The following SPINK1 variants were observed in gnomAD, a reference collection of about 807,000 sequenced individuals.
SPINK1 encodes the protein serine protease inhibitor Kazal-type 1.
In SPINK1, 5 loss-of-function variants were observed where a neutral mutation model predicts 9.5. That is an observed-to-expected ratio of 0.52 (90% CI 0.27 to 1.10). SPINK1 has a LOEUF of 1.10. Among genes scored for constraint, SPINK1 ranks in the 50% least tolerant of loss-of-function variants. SPINK1 has a pLI of 0.11. For missense variants in SPINK1, 88 were observed against 92.7 expected, an observed-to-expected ratio of 0.95 and a Z score of 0.21; for synonymous variants, 37 against 32.3, an observed-to-expected ratio of 1.14 and a Z score of -0.49.
intron 1 of SPINK1, 37 bp downstream of exon 1, chr5:147,831,485 AC>A (rs1756506514): frequency 6.2e-7 from 1 of 1,611,848 alleles, no homozygotes; most frequent in African/African-American, 1.3e-5. Flanking sequence ...ACAGGTCAAA[AC>A]AGTTTTATTT....
chr5:147,831,927 A>C, upstream of SPINK1: 1 of 731,002 alleles, frequency 1.4e-6, no homozygotes, highest in Non-Finnish European at 1.9e-6. Context: ...CTGTAAGATG[A>C]ACTCAAAGAT....
chr5:147,829,869 T>G (rs917713320), intron 1 of SPINK1, among the ~76,000 whole-genome samples: 3 of 152,222 alleles, frequency 2.0e-5, no homozygotes, highest in African/African-American at 7.2e-5. Context: ...GTATCTCGAT[T>G]TGATGTTTTA....
At chr5:147,837,649 T>TTTTCTTTCGTTC in the SPINK1 span, among the ~76,000 whole-genome samples, 10 of 107,032 alleles carry the variant, frequency 9.3e-5, no homozygotes, top group Non-Finnish European at 1.7e-4. Context: ...CATTAACTTC[T>TTTTCTTTCGTTC]TTTCTTTCTT....
At chr5:147,835,122 T>TA (rs1247956188), upstream of SPINK1, among the ~76,000 whole-genome samples, 8 of 151,690 alleles carry the variant, frequency 5.3e-5, no homozygotes, top group South Asian at 2.1e-4. Context: ...TTAAAGAGGA[T>TA]AAAAAAAACC....
upstream of SPINK1, among the ~76,000 whole-genome samples, chr5:147,832,161 G>A (rs1262258116): frequency 6.6e-6 from 1 of 152,114 alleles, no homozygotes; most frequent in Non-Finnish European, 1.5e-5. Flanking sequence ...GAGAGAGAGA[G>A]GACTCAGTTC....
At chr5:147,839,192 G>T in the SPINK1 span, among the ~76,000 whole-genome samples, 1 of 152,186 alleles carries the variant, frequency 6.6e-6, no homozygotes, top group South Asian at 2.1e-4. Flanking sequence ...GCAAGGAGAA[G>T]TATTGAGCAA....
At chr5:147,835,591 T>C (rs1186747880), upstream of SPINK1, among the ~76,000 whole-genome samples, 1 of 152,086 alleles carries the variant, frequency 6.6e-6, no homozygotes, top group African/African-American at 2.4e-5. Context: ...CAAGTAAACA[T>C]ATTATGACCT....
upstream of SPINK1, among the ~76,000 whole-genome samples, chr5:147,835,646 T>A (rs1756583818): frequency 6.6e-6 from 1 of 151,920 alleles, no homozygotes; most frequent in South Asian, 2.1e-4. Context: ...GAGTAAAGAG[T>A]GATGACAAAA....
At chr5:147,837,945 A>G in the SPINK1 span, among the ~76,000 whole-genome samples, 2 of 151,694 alleles carry the variant, frequency 1.3e-5, no homozygotes, top group South Asian at 4.2e-4. Context: ...CAGGTGATCC[A>G]CCCGCCTCGG....
the SPINK1 span, among the ~76,000 whole-genome samples, chr5:147,838,719 TAG>T: frequency 6.6e-6 from 1 of 152,232 alleles, no homozygotes; most frequent in African/African-American, 2.4e-5. Flanking sequence ...ATCTTTGGTT[TAG>T]AGTCTCCTGG....
intron 3 of SPINK1, chr5:147,827,077 T>C (rs1055650367): frequency 3.3e-5 from 5 of 152,104 alleles, no homozygotes; most frequent in African/African-American, 1.2e-4. Flanking sequence ...TTCTATTCTT[T>C]TTTTTTCCTT....
At chr5:147,835,920 T>C (rs887020511), upstream of SPINK1, among the ~76,000 whole-genome samples, 12 of 152,168 alleles carry the variant, frequency 7.9e-5, no homozygotes, top group African/African-American at 2.9e-4. Flanking sequence ...CTCTTGTTTT[T>C]ATTCCACTGC....
the SPINK1 span, among the ~76,000 whole-genome samples, chr5:147,837,409 C>T: frequency 1.3e-5 from 2 of 152,138 alleles, no homozygotes; most frequent in African/African-American, 4.8e-5. Context: ...GTAGATACTT[C>T]ACAGAGTTGT....
chr5:147,828,416 GTGT>G (rs1756450217), intron 2 of SPINK1, among the ~76,000 whole-genome samples: 1 of 152,146 alleles, frequency 6.6e-6, no homozygotes, highest in African/African-American at 2.4e-5. Context: ...CTATCTCATA[GTGT>G]TGTTGTGAGA....
intron 2 of SPINK1, 109 bp from the exon 3 acceptor site, chr5:147,828,237 A>C: frequency 1.2e-6 from 1 of 859,898 alleles, no homozygotes. Flanking sequence ...TGATTGGGAG[A>C]ATGATACTGT....
At position 147,829,611 on chromosome 5, in the gene SPINK1, G is replaced by A. The variant is rs35006579; in HGVS notation, c.75C>T (p.Ser25=). The part of the protein sequence containing the change: ...LSLSGNTGAD[S]LGREAKCYNE... Reference sequence around the variant, plus strand: ...AATATCTCTTTACCTCTCTTCCCAGGGAGTCAGCTCCAGTGTTACCTAGAA... The same window carrying A: ...AATATCTCTTTACCTCTCTTCCCAGAGAGTCAGCTCCAGTGTTACCTAGAA... The change falls in exon 2 of 4, where the codon TCC becomes TCT. Residue 25 remains serine, a synonymous_variant. Transcript: ENST00000296695. 2.2e-4 allele frequency: 347 copies of A among 1,612,626 alleles called. 3 individuals carry two copies. In the African/African-American group the frequency reaches 4.0e-3, roughly 19 times the overall value.
chr5:147,829,870 T>G (rs1264380136), intron 1 of SPINK1, among the ~76,000 whole-genome samples: 1 of 152,224 alleles, frequency 6.6e-6, no homozygotes, highest in Non-Finnish European at 1.5e-5. Flanking sequence ...TATCTCGATT[T>G]GATGTTTTAG....
In SPINK1 at chr5:147,829,648, AT is replaced by A. The variant is rs750984113; in HGVS notation, c.56-19del. 6.2e-7 allele frequency: 1 copy of A among 1,610,680 alleles called. No homozygotes were observed. The highest frequency in any genetic ancestry group is 1.1e-5 in the South Asian group (1 of 91,006). On this transcript the variant is annotated intron_variant, in intron 1 of 3. Coordinates refer to ENST00000296695, the MANE Select transcript of SPINK1 (RefSeq NM_001379610.1). Reference sequence around the variant, plus strand: ...AGTGTTACCTAGAAATAAATCAGATATGGTAAGTTGGGTCCTAAATGAAAGA... The same window carrying A: ...AGTGTTACCTAGAAATAAATCAGATAGGTAAGTTGGGTCCTAAATGAAAGA...
upstream of SPINK1, among the ~76,000 whole-genome samples, chr5:147,832,503 G>C (rs935939350): frequency 6.6e-6 from 1 of 152,138 alleles, no homozygotes; most frequent in Non-Finnish European, 1.5e-5. Context: ...AGGCAGGTTT[G>C]TTTACTGTTT....
Sources: allele counts gnomAD v4.1 joint callset (sites outside exome capture counted in the v4.1 genomes callset), GRCh38; gene constraint gnomAD v4.1.1; transcripts MANE v1.5; gene names NCBI Gene and HGNC (gene_info 2026-07-23, HGNC 2026-07-21).